Variants in OSMR observed in about 807,000 individuals in gnomAD.
OSMR encodes the protein oncostatin-M-specific receptor subunit beta.
In OSMR, 81 loss-of-function variants were observed where a neutral mutation model predicts 99.9. The observed-to-expected ratio is 0.81, with a 90% confidence interval of 0.68 to 0.97. OSMR has a LOEUF of 0.97. Ranked by LOEUF, OSMR falls within the 50% of genes least tolerant of loss-of-function variation. The probability of loss-of-function intolerance (pLI) is 0.00; values close to 1 mark genes in which losing one functional copy is unlikely to be tolerated. For synonymous variants in OSMR, 406 were observed against 410.4 expected, an observed-to-expected ratio of 0.99 and a Z score of 0.13; for missense variants, 1,099 against 1,153.4, an observed-to-expected ratio of 0.95 and a Z score of 0.68.
chr5:38,880,110 C>G (rs76868731), intron 3 of OSMR, among the ~76,000 whole-genome samples: 1 of 152,060 alleles, frequency 6.6e-6, no homozygotes, highest in Non-Finnish European at 1.5e-5. Flanking sequence ...TTAAATGCCC[C>G]CTGGGTGGAC....
chr5:38,869,144 C>T (rs769287137), intron 2 of OSMR, 27 bp downstream of exon 2: 1 of 1,498,670 alleles, frequency 6.7e-7, no homozygotes, highest in South Asian at 1.1e-5. Context: ...ACAGTAAAGA[C>T]AAAAATCACG....
rs1281251417 is a variant in OSMR, at chr5:38,924,527, G to A, written c.1976G>A (p.Gly659Glu). The change falls in exon 14 of 18, where the codon GGG (glycine) becomes GAG (glutamate). Residue 659 changes from glycine to glutamate, a missense_variant. Transcript: ENST00000274276. ...STESQPGFIQ[G>E]YHVYLKSKAR... ...GAATCTCAACCTGGTTTTATACAAG[G>A]GTACCATGTCTATCTGAAATCCAAG... The A allele has an allele frequency of 6.2e-7, 1 of 1,613,974 alleles. No homozygotes were observed. The highest frequency in any genetic ancestry group is 8.5e-7 in the Non-Finnish European group (1 of 1,179,992).
chr5:38,919,020 T>C lies in OSMR; in HGVS notation c.1543T>C (p.Ser515Pro). ...CATAGCCAACAACAGTGTGGGTGCT[T>C]CTCCTGCTTCTGTAATAGTCATCTC... ...CVIANNSVGA[S>P]PASVIVISAD... Residue 515 changes from serine (S) to proline (P), a missense_variant, in exon 11 of 18, where the codon TCT becomes CCT. Physicochemically the swap from Ser to Pro is moderately conservative, Grantham distance 74. Transcript: ENST00000274276. The C allele has an allele frequency of 6.2e-7, 1 of 1,614,110 alleles. No homozygotes were observed. Among genetic ancestry groups the C allele is most frequent in the Non-Finnish European group, 8.5e-7 (1 of 1,179,970 alleles).
rs1317454381 is a variant in OSMR at position 38,886,107 on chromosome 5, A to C, written c.908A>C (p.Gln303Pro). Residue 303 changes from glutamine to proline, a missense_variant, in exon 7 of 18, where the codon CAA (glutamine) becomes CCA (proline). Physicochemically the swap from Gln to Pro is moderately conservative, Grantham distance 76. Coordinates refer to ENST00000274276, the MANE Select transcript of OSMR (RefSeq NM_003999.3). Reference sequence around the variant, plus strand: ...AATTGGCAAATAACTCAAGACTCACAAGAAACCTATAACTTCACACTCATA... The same window carrying C: ...AATTGGCAAATAACTCAAGACTCACCAGAAACCTATAACTTCACACTCATA... ...WCNWQITQDS[Q>P]ETYNFTLIAE... 6.2e-7 allele frequency: 1 copy of C among 1,613,894 alleles called. No individual in the cohort carries two copies. The highest frequency in any genetic ancestry group is 8.5e-7 in the Non-Finnish European group (1 of 1,179,944).
Position 38,932,513 on chromosome 5 carries a change from TC to T in OSMR, c.2347del (p.Leu783CysfsTer3). 1 of 1,613,720 alleles carries T rather than the reference TC, an allele frequency of 6.2e-7. No homozygotes were observed. The highest frequency in any genetic ancestry group is 1.3e-5 in the African/African-American group (1 of 75,038). On this transcript the variant is annotated frameshift_variant, in exon 17 of 18. Coordinates refer to ENST00000274276, the MANE Select transcript of OSMR (RefSeq NM_003999.3). LOFTEE classifies it low-confidence loss of function (END_TRUNC). ...PDIPDPYKSS[I>X]LSLIKFKENP... is the part of the protein sequence containing the mutation. ...ATCCCTGACCCTTACAAGAGCAGCATCCTGTCATTAATAAAATTCAAGGTAA... is the reference window on the plus strand; with the variant it reads ...ATCCCTGACCCTTACAAGAGCAGCATCTGTCATTAATAAAATTCAAGGTAA...
At chr5:38,900,887 C>T (rs1053487079) in intron 7 of OSMR, among the ~76,000 whole-genome samples, 1 of 152,190 alleles carries the variant, frequency 6.6e-6, no homozygotes, top group Non-Finnish European at 1.5e-5. Flanking sequence ...TACCTGGCTC[C>T]ATTTTCAGGA....
At chr5:38,876,982 TTTTCAC>T (rs577967672) in intron 3 of OSMR, among the ~76,000 whole-genome samples, 52 of 152,196 alleles carry the variant, frequency 3.4e-4, no homozygotes, top group Non-Finnish European at 6.8e-4. Flanking sequence ...TGGGGTGGAT[TTTTCAC>T]TTAGTTCAAA....
rs368123571 is a variant in OSMR, at chr5:38,848,881, C to CT, written c.-14+2495dup. Among the ~76,000 whole-genome samples the CT allele has an allele frequency of 2.8e-3, 429 of 152,182 alleles. 2 individuals carry two copies. The highest frequency in any genetic ancestry group is 0.01 in the African/African-American group (418 of 41,534). On this transcript the variant is annotated intron_variant, in intron 1 of 17. Transcript: ENST00000274276. Reference sequence around the variant, plus strand: ...CTCGACCTTCTGGGCTCAAGTGATCCTCCCACCTCAGCCTCCTGAGAAGCT... The same window carrying CT: ...CTCGACCTTCTGGGCTCAAGTGATCCTTCCCACCTCAGCCTCCTGAGAAGCT...
At chr5:38,940,223 G>T, downstream of OSMR, 1 of 230,946 alleles carries the variant, frequency 4.3e-6, no homozygotes, top group Non-Finnish European at 8.5e-6. Context: ...AGGGTACAGG[G>T]ATAGTGATGG....
chr5:38,910,352 AACTTGAC>A (rs1745492200), intron 9 of OSMR, among the ~76,000 whole-genome samples: 1 of 152,192 alleles, frequency 6.6e-6, no homozygotes, highest in Non-Finnish European at 1.5e-5. Flanking sequence ...TAAGGACCTC[AACTTGAC>A]ACTTGACAAA....
chr5:38,941,540 G>A (rs2112770155), intron 1 of OSMR: 1 of 230,830 alleles, frequency 4.3e-6, no homozygotes, highest in South Asian at 1.8e-4. Flanking sequence ...CTATAAATGG[G>A]AAATATTTTT....
At chr5:38,905,573 T>C (rs571374838) in intron 9 of OSMR, among the ~76,000 whole-genome samples, 1 of 152,270 alleles carries the variant, frequency 6.6e-6, no homozygotes, top group Non-Finnish European at 1.5e-5. Flanking sequence ...CTTTTCATCC[T>C]GACAACACGC....
In OSMR at chr5:38,925,370, C is replaced by T; in HGVS notation, c.2211C>T (p.His737=). 6.2e-7 allele frequency: 1 copy of T among 1,613,068 alleles called. No individual in the cohort carries two copies. Among genetic ancestry groups the T allele is most frequent in the Non-Finnish European group, 8.5e-7 (1 of 1,179,022 alleles). Residue 737 remains histidine (H), a splice_region_variant and synonymous_variant, in exon 15 of 18, where the codon CAC becomes CAT. Transcript: ENST00000274276. ...CGAAGGTCACGACTCCGGATGAACA[C>T]TGTGAGTTTTCCCAAATCAAAGTTC... The part of the protein sequence containing the change: ...TFTKVTTPDE[H]SSMLIHILLP...
intron 7 of OSMR, among the ~76,000 whole-genome samples, chr5:38,903,298 G>A (rs1299775324): frequency 6.6e-6 from 1 of 152,204 alleles, no homozygotes; most frequent in Non-Finnish European, 1.5e-5. Flanking sequence ...GCTGCCCAGG[G>A]CAAACAGAAT....
intron 15 of OSMR, among the ~76,000 whole-genome samples, chr5:38,925,930 T>C (rs973146272): frequency 2.0e-5 from 3 of 152,216 alleles, no homozygotes; most frequent in Non-Finnish European, 4.4e-5. Context: ...CCTGTTTGCA[T>C]ATTTGGTTGG....
chr5:38,935,950 A>G (rs1425910409), downstream of OSMR, among the ~76,000 whole-genome samples: 2 of 152,234 alleles, frequency 1.3e-5, no homozygotes, highest in Non-Finnish European at 2.9e-5. Context: ...TATGACCTGT[A>G]GTCTTGGCTG....
chr5:38,919,289 A>C (rs2112639951), intron 11 of OSMR: 1 of 1,495,712 alleles, frequency 6.7e-7, no homozygotes, highest in South Asian at 1.2e-5. Context: ...ATTTCTGTCC[A>C]GGGGATTCTT....
intron 6 of OSMR, 107 bp from the exon 7 acceptor site, chr5:38,885,928 GGGAA>G: frequency 6.6e-7 from 1 of 1,505,188 alleles, no homozygotes; most frequent in East Asian, 2.4e-5. Context: ...TGCCATTATG[GGGAA>G]CATAGTTTGA....
Position 38,919,034 on chromosome 5 carries a change from A to G in OSMR, c.1557A>G (p.Val519=), listed in dbSNP as rs745646727. The stretch of plus-strand genomic sequence containing the variant: ...GTGTGGGTGCTTCTCCTGCTTCTGT[A>G]ATAGTCATCTCTGCAGACCCCGAAA... ...NNSVGASPAS[V]IVISADPENK... The change falls in exon 11 of 18, where the codon GTA becomes GTG. Residue 519 remains valine (V), a synonymous_variant. Coordinates refer to ENST00000274276, the MANE Select transcript of OSMR (RefSeq NM_003999.3). The G allele has an allele frequency of 2.5e-6, 4 of 1,614,026 alleles. No homozygotes were observed. Among genetic ancestry groups the G allele is most frequent in the Non-Finnish European group, 3.4e-6 (4 of 1,179,904 alleles).
Sources: gnomAD v4.1 joint callset for allele counts (sites outside exome capture counted in the v4.1 genomes callset) on GRCh38, gnomAD v4.1.1 for gene constraint, MANE v1.5 for transcripts, NCBI Gene and HGNC (gene_info 2026-07-23, HGNC 2026-07-21) for gene names.